STARD13: variants seen among roughly 807,000 people sequenced by gnomAD.
STARD13 encodes StAR related lipid transfer domain containing 13.
STARD13 carries 62 observed loss-of-function variants against 106.4 expected under a neutral mutation model. The observed-to-expected ratio is 0.58, with a 90% confidence interval of 0.48 to 0.72. STARD13 has a LOEUF of 0.72. Among genes scored for constraint, STARD13 ranks in the 30% least tolerant of loss-of-function variants. STARD13 has a pLI of 0.00. For missense variants in STARD13, 1,387 were observed against 1,424.0 expected, an observed-to-expected ratio of 0.97 and a Z score of 0.42; for synonymous variants, 565 against 553.0, an observed-to-expected ratio of 1.02 and a Z score of -0.31.
chr13:33,262,662 A>ACAACACACACACAC (rs5802678), intron 1 of STARD13, among the ~76,000 whole-genome samples: 35 of 114,986 alleles, frequency 3.0e-4, no homozygotes, highest in Middle Eastern at 4.3e-3. Context: ...ACACACACAC[A>ACAACACACACACAC]ACACACACAC....
chr13:33,112,133 A>T (rs552552627), intron 9 of STARD13, among the ~76,000 whole-genome samples: 1 of 152,336 alleles, frequency 6.6e-6, no homozygotes, highest in African/African-American at 2.4e-5. Context: ...GGACAAAATT[A>T]ATCTGTTTTT....
At chr13:33,315,928 A>G (rs142350669) in intron 1 of STARD13, among the ~76,000 whole-genome samples, 10 of 152,268 alleles carry the variant, frequency 6.6e-5, no homozygotes, top group African/African-American at 2.4e-4. Flanking sequence ...CCAAAATGTT[A>G]TAAATTTACC....
At chr13:33,164,927 C>G (rs1012706365) in intron 3 of STARD13, among the ~76,000 whole-genome samples, 1 of 152,158 alleles carries the variant, frequency 6.6e-6, no homozygotes, top group Admixed American at 6.5e-5. Context: ...TCAGAGCCTT[C>G]CCTCACCACA....
At chr13:33,494,929 T>C in the STARD13 span, among the ~76,000 whole-genome samples, 3 of 152,052 alleles carry the variant, frequency 2.0e-5, no homozygotes, top group Non-Finnish European at 4.4e-5. Flanking sequence ...CCCAAAAGAC[T>C]CTACTTAGGG....
chr13:33,332,713 C>T (rs754266072), intron 1 of STARD13, among the ~76,000 whole-genome samples: 3 of 151,934 alleles, frequency 2.0e-5, no homozygotes, highest in Non-Finnish European at 2.9e-5. Flanking sequence ...CAAATAGCAC[C>T]CCCTTTCAGT....
chr13:33,351,417 G>A (rs2078078126), upstream of STARD13, among the ~76,000 whole-genome samples: 1 of 152,186 alleles, frequency 6.6e-6, no homozygotes, highest in South Asian at 2.1e-4. Context: ...AGGAAAGAAG[G>A]AAATGTATTG....
At chr13:33,113,878 T>C (rs1874979273) in intron 8 of STARD13, among the ~76,000 whole-genome samples, 1 of 152,212 alleles carries the variant, frequency 6.6e-6, no homozygotes, top group Non-Finnish European at 1.5e-5. Flanking sequence ...GTTTATTTCA[T>C]GATCACTTTA....
intron 1 of STARD13, chr13:33,272,412 AC>A (rs980580744): frequency 6.6e-6 from 1 of 152,226 alleles, no homozygotes; most frequent in Non-Finnish European, 1.5e-5. Context: ...GTATATTGTT[AC>A]TACTTTTTAA....
the STARD13 span, among the ~76,000 whole-genome samples, chr13:33,608,779 TA>T: frequency 6.6e-6 from 1 of 151,922 alleles, no homozygotes; most frequent in Non-Finnish European, 1.5e-5. Context: ...TTCATAGAAC[TA>T]AAAAAAGGAT....
At chr13:33,336,864 C>T (rs2077903026) in intron 1 of STARD13, 1 of 151,740 alleles carries the variant, frequency 6.6e-6, no homozygotes, top group Non-Finnish European at 1.5e-5. Context: ...TGGATGCACT[C>T]TTATTTTCAA....
the STARD13 span, among the ~76,000 whole-genome samples, chr13:33,632,019 G>A: frequency 9.8e-4 from 150 of 152,294 alleles, no homozygotes; most frequent in Non-Finnish European, 1.8e-3. Flanking sequence ...TGTTGTCAAA[G>A]GAAGCCAGTT....
At chr13:33,352,280 T>G (rs958806597), upstream of STARD13, among the ~76,000 whole-genome samples, 7 of 152,240 alleles carry the variant, frequency 4.6e-5, no homozygotes, top group African/African-American at 7.2e-5. Context: ...AAGACTCCTG[T>G]TGTCTTAAAG....
intron 1 of STARD13, among the ~76,000 whole-genome samples, chr13:33,173,919 T>A (rs17518603): frequency 6.6e-6 from 1 of 152,182 alleles, no homozygotes; most frequent in Admixed American, 6.5e-5. Context: ...GCTCTGTTTA[T>A]GTGGACTTCT....
chr13:33,117,586 T>C (rs1875579726), intron 8 of STARD13: 2 of 975,990 alleles, frequency 2.0e-6, no homozygotes, highest in Non-Finnish European at 2.4e-6. Flanking sequence ...TAAGACTTGA[T>C]TTGGTTTGCT....
At chr13:33,416,211 A>G in the STARD13 span, among the ~76,000 whole-genome samples, 3 of 152,248 alleles carry the variant, frequency 2.0e-5, no homozygotes, top group African/African-American at 7.2e-5. Flanking sequence ...TGGGAAAATT[A>G]AAAAGAAAAG....
the STARD13 span, among the ~76,000 whole-genome samples, chr13:33,432,736 G>C: frequency 1.3e-5 from 2 of 151,988 alleles, no homozygotes; most frequent in East Asian, 3.9e-4. Flanking sequence ...AAAAATTATG[G>C]CTGCTTTTTA....
intron 1 of STARD13, chr13:33,277,753 C>T (rs916367076): frequency 3.9e-5 from 6 of 152,160 alleles, no homozygotes; most frequent in African/African-American, 9.6e-5. Flanking sequence ...TCAACAGTAC[C>T]TATCTTGTAG....
intron 8 of STARD13, among the ~76,000 whole-genome samples, chr13:33,115,912 C>A (rs1318139722): frequency 6.6e-6 from 1 of 152,210 alleles, no homozygotes; most frequent in Non-Finnish European, 1.5e-5. Flanking sequence ...CCTGGCATCA[C>A]TGAGCTGCGG....
chr13:33,446,506 T>C, the STARD13 span, among the ~76,000 whole-genome samples: 1 of 152,288 alleles, frequency 6.6e-6, no homozygotes, highest in African/African-American at 2.4e-5. Flanking sequence ...TCTTCCCTGA[T>C]TTCCTATAGA....
Sources: gnomAD v4.1 joint callset for allele counts (sites outside exome capture counted in the v4.1 genomes callset) on GRCh38, gnomAD v4.1.1 for gene constraint, MANE v1.5 for transcripts, NCBI Gene and HGNC (gene_info 2026-07-23, HGNC 2026-07-21) for gene names.